The following SLC10A6 variants were observed in gnomAD, a reference collection of about 807,000 sequenced individuals.
SLC10A6 encodes sodium-dependent organic anion transporter.
Under a neutral mutation model 30.0 loss-of-function variants are expected in SLC10A6, and 27 were observed. The observed-to-expected ratio is 0.90, with a 90% confidence interval of 0.66 to 1.24. The LOEUF (loss-of-function observed/expected upper bound fraction) is 1.24, where lower values mean the gene tolerates loss of function less well. Ranked by LOEUF, SLC10A6 falls within the 50% of genes most tolerant of loss-of-function variation. The pLI is 0.00. For missense variants in SLC10A6, 439 were observed against 457.0 expected (o/e 0.96, Z 0.36); for synonymous variants, 166 against 173.8 (o/e 0.95, Z 0.36).
chr4:86,840,976 T>C (rs1175130291), intron 1 of SLC10A6, among the ~76,000 whole-genome samples: 2 of 152,226 alleles, frequency 1.3e-5, no homozygotes, highest in Non-Finnish European at 2.9e-5. Flanking sequence ...AAAAAGCAGT[T>C]TGCCACAGCT....
chr4:86,838,779 C>A (rs557317767), intron 1 of SLC10A6, among the ~76,000 whole-genome samples: 1 of 151,274 alleles, frequency 6.6e-6, no homozygotes, highest in Non-Finnish European at 1.5e-5. Context: ...AAAAATTAGC[C>A]GGGCATGGTG....
chr4:86,839,905 T>TG (rs1329528974), intron 1 of SLC10A6, among the ~76,000 whole-genome samples: 10 of 67,482 alleles, frequency 1.5e-4, no homozygotes, highest in Non-Finnish European at 2.8e-4. Context: ...ACACTCTTAT[T>TG]TTTTTTTTTT....
chr4:86,837,694 A>C lies in SLC10A6; in HGVS notation c.378-4270T>G. The C allele has an allele frequency of 5.7e-6, 5 of 871,598 alleles. No individual in the cohort carries two copies. In the South Asian group the frequency reaches 2.6e-4, roughly 46 times the overall value. The allele number at this position is 871,598 out of a possible 1,614,324, so 54.0% of individuals were successfully genotyped here. On this transcript the variant is annotated intron_variant, in intron 1 of 5. Transcript: ENST00000273905. ...GATAGAACCAGTGAAAGAATGCATTAGTAAAATTAGGGGAAAGAAAATAAA... is the reference window on the plus strand; with the variant it reads ...GATAGAACCAGTGAAAGAATGCATTCGTAAAATTAGGGGAAAGAAAATAAA...
chr4:86,832,963 G>A (rs1014271676), intron 2 of SLC10A6, among the ~76,000 whole-genome samples: 1 of 151,936 alleles, frequency 6.6e-6, no homozygotes, highest in South Asian at 2.1e-4. Flanking sequence ...TTACATAAGG[G>A]TTTGATTCCT....
rs1002783403 is a variant in SLC10A6, at chr4:86,828,116, A to G, written c.638T>C (p.Val213Ala). ...VLLLVVAVAG[V>A]VLAKGSWNSD... Reference sequence around the variant, plus strand: ...ATTCCAAGATCCTTTCGCCAGGACCACACCAGCAACTGCGACCACCAGAAG... The same window carrying G: ...ATTCCAAGATCCTTTCGCCAGGACCGCACCAGCAACTGCGACCACCAGAAG... Residue 213 changes from valine to alanine, a missense_variant, in exon 4 of 6, where the codon GTG becomes GCG. Val to Ala is a moderately conservative substitution (Grantham distance 64, BLOSUM62 0). Coordinates refer to ENST00000273905, the MANE Select transcript of SLC10A6 (RefSeq NM_197965.3). 6.2e-7 allele frequency: 1 copy of G among 1,613,902 alleles called. No individual in the cohort carries two copies. Among genetic ancestry groups the G allele is most frequent in the Non-Finnish European group, 8.5e-7 (1 of 1,179,880 alleles).
rs116450069 is a variant in SLC10A6 at position 86,846,787 on chromosome 4, A to G, written c.377+1952T>C. Among the ~76,000 whole-genome samples the G allele has an allele frequency of 5.9e-3, 904 of 152,284 alleles. 10 individuals carry two copies. Among genetic ancestry groups the G allele is most frequent in the African/African-American group, 0.021 (873 of 41,552 alleles). ...TGTGTGTACATATATATACATATAT[A>G]TACAGTCTTGTGAGAAATAGGTAAA... On this transcript the variant is annotated intron_variant, in intron 1 of 5. Transcript: ENST00000273905.
chr4:86,836,319 G>A (rs1322660218), intron 1 of SLC10A6, among the ~76,000 whole-genome samples: 2 of 152,210 alleles, frequency 1.3e-5, no homozygotes, highest in Non-Finnish European at 2.9e-5. Flanking sequence ...CTCAAAAACT[G>A]TGTATCGTGA....
chr4:86,831,763 G>T (rs758521332), intron 3 of SLC10A6, 29 bp downstream of exon 3: 1 of 1,580,388 alleles, frequency 6.3e-7, no homozygotes, highest in Non-Finnish European at 8.7e-7. Context: ...GTCTGAGGAC[G>T]TGCCAACAGT....
chr4:86,826,845 G>A (rs1204196854), intron 4 of SLC10A6, among the ~76,000 whole-genome samples: 2 of 152,178 alleles, frequency 1.3e-5, no homozygotes, highest in African/African-American at 2.4e-5. Flanking sequence ...TGGAAGTGAG[G>A]AGATAAAAGA....
intron 1 of SLC10A6, among the ~76,000 whole-genome samples, chr4:86,848,399 C>T (rs565961334): frequency 6.6e-6 from 1 of 152,254 alleles, no homozygotes; most frequent in Admixed American, 6.5e-5. Context: ...TCTTGGGATT[C>T]TTGGTTTAAG....
At chr4:86,838,532 G>A (rs1402997377) in intron 1 of SLC10A6, among the ~76,000 whole-genome samples, 1 of 152,164 alleles carries the variant, frequency 6.6e-6, no homozygotes, top group African/African-American at 2.4e-5. Context: ...ATCTCCAGGT[G>A]AACATTGGTA....
chr4:86,838,251 A>G (rs1251105619), intron 1 of SLC10A6, among the ~76,000 whole-genome samples: 1 of 152,154 alleles, frequency 6.6e-6, no homozygotes, highest in Non-Finnish European at 1.5e-5. Flanking sequence ...CCCTCTGGAC[A>G]TGGTTTTATT....
rs918251023 is a variant in SLC10A6, at chr4:86,823,632, A to C, written c.*56T>G. The C allele has an allele frequency of 5.0e-6, 7 of 1,403,786 alleles. No homozygotes were observed. Among genetic ancestry groups the C allele is most frequent in the Non-Finnish European group, 6.8e-6 (7 of 1,033,924 alleles). The allele number at this position is 1,403,786 out of a possible 1,614,324, so 87.0% of individuals were successfully genotyped here. ...AACAAGATTCATGTGTCAGCTGCAC[A>C]CTGTCTTTACTGGCCACTGAAAAAG... On this transcript the variant is annotated 3_prime_UTR_variant, in exon 6 of 6. Transcript: ENST00000273905.
Position 86,828,073 on chromosome 4 carries a change from C to T in SLC10A6, c.681G>A (p.Leu227=). The part of the protein sequence containing the change: ...KGSWNSDITL[L]TISFIFPLIG... ...TCAAAGGAAAGATGAAACTGATGGTCAGAAGGGTGATGTCTGAATTCCAAG... is the reference window on the plus strand; with the variant it reads ...TCAAAGGAAAGATGAAACTGATGGTTAGAAGGGTGATGTCTGAATTCCAAG... The change falls in exon 4 of 6, where the codon CTG becomes CTA. Residue 227 remains leucine, a synonymous_variant. Coordinates refer to ENST00000273905, the MANE Select transcript of SLC10A6 (RefSeq NM_197965.3). 6.2e-7 allele frequency: 1 copy of T among 1,613,912 alleles called. No individual in the cohort carries two copies. Among genetic ancestry groups the T allele is most frequent in the Non-Finnish European group, 8.5e-7 (1 of 1,179,902 alleles).
intron 1 of SLC10A6, among the ~76,000 whole-genome samples, chr4:86,845,928 A>G (rs943883828): frequency 6.6e-6 from 1 of 152,234 alleles, no homozygotes; most frequent in African/African-American, 2.4e-5. Context: ...TGGGGTGAAC[A>G]CATGGAGAAC....
At chr4:86,829,162 G>C (rs1746041350) in intron 3 of SLC10A6, among the ~76,000 whole-genome samples, 2 of 152,136 alleles carry the variant, frequency 1.3e-5, no homozygotes, top group Non-Finnish European at 2.9e-5. Flanking sequence ...TGTAATCCCA[G>C]AACTTTGGGA....
At chr4:86,843,035 C>T (rs1310770213) in intron 1 of SLC10A6, among the ~76,000 whole-genome samples, 4 of 151,864 alleles carry the variant, frequency 2.6e-5, no homozygotes, top group Non-Finnish European at 5.9e-5. Context: ...CCACACCTGG[C>T]TAATTTTGTA....
chr4:86,836,770 T>C (rs1011974890), intron 1 of SLC10A6, among the ~76,000 whole-genome samples: 3 of 152,184 alleles, frequency 2.0e-5, no homozygotes, highest in Non-Finnish European at 4.4e-5. Flanking sequence ...TTTTGTTTTG[T>C]TTTTTGAAAT....
Position 86,833,409 on chromosome 4 carries a change from G to A in SLC10A6, c.393C>T (p.Thr131=), listed in dbSNP as rs201408019. The A allele has an allele frequency of 3.4e-5, 55 of 1,613,592 alleles. No homozygotes were observed. The highest frequency in any genetic ancestry group is 4.4e-5 in the Non-Finnish European group (52 of 1,179,558). ...GDMDLSISMT[T]CSTVAALGMM... Reference sequence around the variant, plus strand: ...TTCCCAGGGCGGCCACGGTGGAACAGGTTGTCATACTGATGCTGAAAGTAA... The same window carrying A: ...TTCCCAGGGCGGCCACGGTGGAACAAGTTGTCATACTGATGCTGAAAGTAA... Residue 131 remains threonine, a synonymous_variant, in exon 2 of 6, where the codon ACC becomes ACT. Coordinates refer to ENST00000273905, the MANE Select transcript of SLC10A6 (RefSeq NM_197965.3).
Sources: gnomAD v4.1 joint callset for allele counts (sites outside exome capture counted in the v4.1 genomes callset) on GRCh38, gnomAD v4.1.1 for gene constraint, MANE v1.5 for transcripts, NCBI Gene and HGNC (gene_info 2026-07-23, HGNC 2026-07-21) for gene names.